The following SMC1B variants were observed in gnomAD, a reference collection of about 807,000 sequenced individuals.
The protein encoded by SMC1B is structural maintenance of chromosomes protein 1B.
In SMC1B, 60 loss-of-function variants were observed where a neutral mutation model predicts 157.9. The ratio of observed to expected loss-of-function variants is 0.38; its 90% confidence interval spans 0.31 to 0.47. The LOEUF is 0.47. SMC1B is among the 20% of genes least tolerant of loss of function. SMC1B has a pLI of 0.99. For missense variants in SMC1B, 1,165 were observed against 1,426.2 expected (o/e 0.82, Z 2.95); for synonymous variants, 445 against 483.0 (o/e 0.92, Z 1.03).
intron 10 of SMC1B, among the ~76,000 whole-genome samples, chr22:45,388,148 G>C (rs1233247665): frequency 6.6e-6 from 1 of 152,032 alleles, no homozygotes; most frequent in Non-Finnish European, 1.5e-5. Flanking sequence ...AGATCACAAA[G>C]TGTCTGCAAT....
intron 4 of SMC1B, among the ~76,000 whole-genome samples, chr22:45,404,141 C>T (rs749183862): frequency 6.6e-5 from 10 of 152,118 alleles, no homozygotes; most frequent in Non-Finnish European, 1.2e-4. Flanking sequence ...AGGGTTTCTC[C>T]ATGTTGGCCA....
At position 45,344,240 on chromosome 22, in the gene SMC1B, A is replaced by C; in HGVS notation, c.*316T>G. 5.7e-6 allele frequency: 1 copy of C among 174,270 alleles called. No individual in the cohort carries two copies. The highest frequency in any genetic ancestry group is 1.2e-5 in the Non-Finnish European group (1 of 82,858). 10.8% of individuals were successfully genotyped at this position (174,270 alleles called of 1,614,324 possible). A position where few individuals can be genotyped will look rare whatever the true frequency, so the allele number is the denominator to read the frequency against. The stretch of plus-strand genomic sequence containing the variant: ...CAAGGCAAGATCAGAGTGAAGATGA[A>C]GCTGAATTCAAAATTTTTCCAACCA... On this transcript the variant is annotated 3_prime_UTR_variant, in exon 25 of 25. Transcript: ENST00000357450.
chr22:45,389,075 G>A (rs553595211), intron 10 of SMC1B, among the ~76,000 whole-genome samples: 77 of 151,860 alleles, frequency 5.1e-4, no homozygotes, highest in African/African-American at 1.6e-3. Context: ...AAGTAGGGCT[G>A]AGATTCAAAC....
intron 21 of SMC1B, 71 bp from the exon 22 acceptor site, chr22:45,352,673 C>T: frequency 1.4e-6 from 2 of 1,418,084 alleles, no homozygotes; most frequent in East Asian, 4.6e-5. Context: ...AGTTTAACTG[C>T]AAAATATTCT....
chr22:45,413,400 T>A, intron 1 of SMC1B, 59 bp downstream of exon 1: 4 of 1,380,424 alleles, frequency 2.9e-6, no homozygotes, highest in Non-Finnish European at 4.0e-6. Context: ...AGGCCACGTG[T>A]GGCCTGGACG....
intron 12 of SMC1B, among the ~76,000 whole-genome samples, chr22:45,373,759 G>A (rs990814853): frequency 5.3e-5 from 8 of 152,090 alleles, no homozygotes; most frequent in East Asian, 1.9e-4. Context: ...TTGCAATGGC[G>A]GTTCCATAAC....
intron 23 of SMC1B, among the ~76,000 whole-genome samples, chr22:45,347,608 C>CT (rs949753429): frequency 6.6e-6 from 1 of 152,018 alleles, no homozygotes; most frequent in Non-Finnish European, 1.5e-5. Flanking sequence ...CAATTTATTT[C>CT]TTTTTTTCTT....
chr22:45,386,173 C>A (rs575288990), intron 11 of SMC1B, among the ~76,000 whole-genome samples: 2 of 151,928 alleles, frequency 1.3e-5, no homozygotes, highest in Admixed American at 6.6e-5. Context: ...TAATTAGTTA[C>A]TAAGTAGCAT....
At chr22:45,405,521 C>T (rs1405204506) in intron 4 of SMC1B, among the ~76,000 whole-genome samples, 2 of 151,618 alleles carry the variant, frequency 1.3e-5, no homozygotes, top group African/African-American at 4.9e-5. Flanking sequence ...CACTGCACTC[C>T]AGCCTGGGGA....
chr22:45,383,130 T>G (rs1382236421), intron 12 of SMC1B, among the ~76,000 whole-genome samples: 4 of 110,020 alleles, frequency 3.6e-5, no homozygotes, highest in African/African-American at 6.1e-5. Flanking sequence ...CGAAACTCTG[T>G]CTCAAAAAAA....
chr22:45,370,113 TA>T, intron 14 of SMC1B, 53 bp from the exon 15 acceptor site: 1 of 1,009,628 alleles, frequency 9.9e-7, no homozygotes, highest in East Asian at 3.0e-5. Context: ...AAGAAATATA[TA>T]ATCTTAAATA....
rs754735261 is a variant in SMC1B, at chr22:45,399,323, C to A, written c.885G>T (p.Arg295Ser). ...TTTCTTTGGCTTTAATGTACTGAGG[C>A]CTCTTCTGATTTAAAAGGGTTTCAA... is the stretch of plus-strand genomic sequence containing the variant. The part of the protein sequence containing the change: ...KSVETLLNQK[R>S]PQYIKAKENT... The change falls in exon 6 of 25, where the codon AGG becomes AGT. Residue 295 changes from arginine to serine, a missense_variant. Transcript: ENST00000357450. 7.4e-6 allele frequency: 12 copies of A among 1,612,104 alleles called. No homozygotes were observed. The highest frequency in any genetic ancestry group is 1.7e-4 in the Middle Eastern group (1 of 6,048).
intron 17 of SMC1B, among the ~76,000 whole-genome samples, chr22:45,360,280 A>G (rs1438436400): frequency 6.6e-6 from 1 of 152,214 alleles, no homozygotes; most frequent in Non-Finnish European, 1.5e-5. Context: ...ACAGACTCTT[A>G]GCAAAAGAAA....
At chr22:45,383,676 T>C (rs2086961360) in intron 11 of SMC1B, 63 bp from the exon 12 acceptor site, 1 of 1,355,914 alleles carries the variant, frequency 7.4e-7, no homozygotes. Context: ...AAAGACACAA[T>C]GTGTCAATTT....
At chr22:45,394,125 A>G (rs2087094485) in intron 8 of SMC1B, among the ~76,000 whole-genome samples, 1 of 151,982 alleles carries the variant, frequency 6.6e-6, no homozygotes, top group Non-Finnish European at 1.5e-5. Flanking sequence ...ATTTGAGACC[A>G]GCCTGGCAAC....
chr22:45,383,861 C>T (rs1004364680), intron 11 of SMC1B, among the ~76,000 whole-genome samples: 5 of 152,094 alleles, frequency 3.3e-5, no homozygotes, highest in East Asian at 1.9e-4. Flanking sequence ...TATCAATATC[C>T]GGGTTGGTTC....
chr22:45,396,062 T>A lies in SMC1B; in HGVS notation c.1254+284A>T, dbSNP rs576634984. Among the ~76,000 whole-genome samples, 4 of 152,336 alleles carry A rather than the reference T, an allele frequency of 2.6e-5. No individual in the cohort carries two copies. The South Asian group carries it at 6.2e-4, about 24-fold the overall frequency. On this transcript the variant is annotated intron_variant, in intron 7 of 24. Coordinates refer to ENST00000357450, the MANE Select transcript of SMC1B (RefSeq NM_148674.5). Reference sequence around the variant, plus strand: ...ATGTGTATTTTCATAAATCAGTGTATAATTTTATAACATATCAATTACACA... The same window carrying A: ...ATGTGTATTTTCATAAATCAGTGTAAAATTTTATAACATATCAATTACACA...
At chr22:45,389,355 T>G (rs1309641520) in intron 10 of SMC1B, among the ~76,000 whole-genome samples, 3 of 152,200 alleles carry the variant, frequency 2.0e-5, no homozygotes, top group Non-Finnish European at 4.4e-5. Flanking sequence ...CAATTGAGGC[T>G]GAGTTGGCAT....
rs13433643 is a variant in SMC1B at position 45,399,599 on chromosome 22, G to A, written c.855-246C>T. Among the ~76,000 whole-genome samples the A allele has an allele frequency of 3.8e-3, 584 of 152,248 alleles. 5 individuals are homozygous for A. Among genetic ancestry groups the A allele is most frequent in the African/African-American group, 0.013 (560 of 41,532 alleles). On this transcript the variant is annotated intron_variant, in intron 5 of 24. Transcript: ENST00000357450. ...TGACACTATGAATTTGCCAAAACCT[G>A]TATTACTTTACAGCACCAAGGATGA...
Sources: allele counts gnomAD v4.1 joint callset (sites outside exome capture counted in the v4.1 genomes callset), GRCh38; gene constraint gnomAD v4.1.1; transcripts MANE v1.5; gene names NCBI Gene and HGNC (gene_info 2026-07-23, HGNC 2026-07-21).